The following MAP2K5 variants were observed in gnomAD, a reference collection of about 807,000 sequenced individuals.
MAP2K5 encodes the protein mitogen-activated protein kinase kinase 5, also known as dual specificity mitogen-activated protein kinase kinase 5.
A neutral mutation model predicts 83.1 loss-of-function variants in MAP2K5; 49 were observed. The observed-to-expected ratio is 0.59, with a 90% confidence interval of 0.47 to 0.75. MAP2K5 has a LOEUF of 0.75. Ranked by LOEUF, MAP2K5 falls within the 30% of genes least tolerant of loss-of-function variation. The probability of loss-of-function intolerance (pLI) is 0.00; values close to 1 mark genes in which losing one functional copy is unlikely to be tolerated. For missense variants in MAP2K5, 457 were observed against 557.5 expected (o/e 0.82, Z 1.82); for synonymous variants, 202 against 191.8 (o/e 1.05, Z -0.44).
At chr15:67,658,740 AT>A in intron 12 of MAP2K5, 126 bp downstream of exon 12, 1 of 786,316 alleles carries the variant, frequency 1.3e-6, no homozygotes, top group Non-Finnish European at 2.2e-6. Flanking sequence ...GACCTTCTTG[AT>A]TTTCTCCTGT....
chr15:67,804,045 G>C (rs539982154), intron 21 of MAP2K5, among the ~76,000 whole-genome samples: 1 of 152,256 alleles, frequency 6.6e-6, no homozygotes, highest in South Asian at 2.1e-4. Context: ...CAGCCTGTGA[G>C]GTGCCTCACA....
Position 67,774,857 on chromosome 15 carries a change from T to G in MAP2K5, c.1242+2105T>G, listed in dbSNP as rs1239071401. ...CATGGGCTGCATGGGCCGCTTCAAA[T>G]GTGAGGCCTGCAGGATTGTCAAGGT... On this transcript the variant is annotated intron_variant, in intron 21 of 21. Coordinates refer to ENST00000178640, the MANE Select transcript of MAP2K5 (RefSeq NM_145160.3). This position sits in a 1 kb window ranked among gnomAD's most constrained non-coding sequence, Gnocchi z 4.9. Among the ~76,000 whole-genome samples, 1 of 152,230 alleles carries G rather than the reference T, an allele frequency of 6.6e-6. No individual in the cohort carries two copies. Among genetic ancestry groups the G allele is most frequent in the African/African-American group, 2.4e-5 (1 of 41,456 alleles).
intron 8 of MAP2K5, among the ~76,000 whole-genome samples, chr15:67,608,095 G>A (rs544548154): frequency 2.0e-5 from 3 of 152,260 alleles, no homozygotes; most frequent in Admixed American, 1.3e-4. Flanking sequence ...AGCAAAAGTG[G>A]TTGTGATCAG....
intron 19 of MAP2K5, among the ~76,000 whole-genome samples, chr15:67,766,691 C>T (rs938072872): frequency 6.6e-5 from 10 of 152,174 alleles, no homozygotes; most frequent in Admixed American, 3.3e-4. Flanking sequence ...CTGATCAAAA[C>T]TAACTTTGTA....
chr15:67,575,533 C>G (rs1431319225), intron 3 of MAP2K5, among the ~76,000 whole-genome samples: 2 of 152,178 alleles, frequency 1.3e-5, no homozygotes, highest in Admixed American at 6.5e-5. Flanking sequence ...CAGCTCTCCA[C>G]CAGCTCAGCA....
rs2141276118 is a variant in MAP2K5, at chr15:67,750,377, A to G, written c.1134+1776A>G. On this transcript the variant is annotated intron_variant, in intron 19 of 21. Coordinates refer to ENST00000178640, the MANE Select transcript of MAP2K5 (RefSeq NM_145160.3). This position sits in a 1 kb window ranked among gnomAD's most constrained non-coding sequence, Gnocchi z 4.2. Reference sequence around the variant, plus strand: ...GCTGATATTCTGCAATAAAAGTATTAGGAAAGGATTGGCCAGATGACCTGC... The same window carrying G: ...GCTGATATTCTGCAATAAAAGTATTGGGAAAGGATTGGCCAGATGACCTGC... Among the ~76,000 whole-genome samples the G allele has an allele frequency of 6.6e-6, 1 of 152,348 alleles. No homozygotes were observed.
Position 67,636,849 on chromosome 15 carries a change from C to T in MAP2K5, c.585+5922C>T, listed in dbSNP as rs370816702. Among the ~76,000 whole-genome samples, 4 of 152,072 alleles carry T rather than the reference C, an allele frequency of 2.6e-5. No homozygotes were observed. Among genetic ancestry groups the T allele is most frequent in the African/African-American group, 9.7e-5 (4 of 41,394 alleles). On this transcript the variant is annotated intron_variant, in intron 9 of 21. Coordinates refer to ENST00000178640, the MANE Select transcript of MAP2K5 (RefSeq NM_145160.3). The surrounding 1 kb of genome is among the most constrained non-coding windows in gnomAD (Gnocchi z 4.7). ...AGATTAACATTTGAGTTAATGTTAA[C>T]GTAAGAGATTAACATTTGAGTCAGT...
intron 13 of MAP2K5, among the ~76,000 whole-genome samples, chr15:67,689,290 C>G (rs745792832): frequency 1.2e-4 from 19 of 152,176 alleles, no homozygotes; most frequent in Non-Finnish European, 8.8e-5. Flanking sequence ...ATGTTACATA[C>G]ATAAATCATA....
In MAP2K5 at chr15:67,565,198, C is replaced by A. The variant is rs1232337934; in HGVS notation, c.252+1848C>A. 3.3e-5 allele frequency among the ~76,000 whole-genome samples: 5 copies of A among 152,084 alleles called. No individual in the cohort carries two copies. The highest frequency in any genetic ancestry group is 4.4e-5 in the Non-Finnish European group (3 of 68,000). On this transcript the variant is annotated intron_variant, in intron 3 of 21. Coordinates refer to ENST00000178640, the MANE Select transcript of MAP2K5 (RefSeq NM_145160.3). This position sits in a 1 kb window ranked among gnomAD's most constrained non-coding sequence, Gnocchi z 4.1. The stretch of plus-strand genomic sequence containing the variant: ...TACACTGTCTCTCCCCCACCTTCCT[C>A]TTTGCAGGATTTTTTTTATGTCATC...
intron 7 of MAP2K5, among the ~76,000 whole-genome samples, chr15:67,599,231 C>G (rs2085597666): frequency 6.6e-6 from 1 of 152,008 alleles, no homozygotes; most frequent in Admixed American, 6.6e-5. Flanking sequence ...AACAGAATTC[C>G]CCTCAAATAG....
intron 11 of MAP2K5, among the ~76,000 whole-genome samples, chr15:67,648,091 A>C (rs2086868710): frequency 6.6e-6 from 1 of 152,170 alleles, no homozygotes; most frequent in Non-Finnish European, 1.5e-5. Context: ...AGATACCATA[A>C]AATTCACCCT....
At chr15:67,546,089 G>A (rs1411701192) in intron 1 of MAP2K5, 1 of 152,318 alleles carries the variant, frequency 6.6e-6, no homozygotes, top group African/African-American at 2.4e-5. Flanking sequence ...AGGACCTGTG[G>A]CAGTGGGTGT....
At chr15:67,613,965 A>G (rs975524605) in intron 8 of MAP2K5, among the ~76,000 whole-genome samples, 9 of 152,188 alleles carry the variant, frequency 5.9e-5, no homozygotes, top group Non-Finnish European at 1.0e-4. Context: ...AGTTAATGCA[A>G]CTCTGAAAAG....
chr15:67,682,424 C>G (rs1006231513), intron 13 of MAP2K5, among the ~76,000 whole-genome samples: 1 of 151,878 alleles, frequency 6.6e-6, no homozygotes. Context: ...AGGGTTTTGC[C>G]ACGTTGGCCA....
rs1657810302 is a variant in MAP2K5, at chr15:67,749,115, T to A, written c.1134+514T>A. On this transcript the variant is annotated intron_variant, in intron 19 of 21. Transcript: ENST00000178640. The surrounding 1 kb of genome is among the most constrained non-coding windows in gnomAD (Gnocchi z 4.6). ...AGGCATTTTTCTCAGAATATGTCCC[T>A]AACATCTTGTGTATTCTAGTAGCTG... Among the ~76,000 whole-genome samples, 1 of 152,212 alleles carries A rather than the reference T, an allele frequency of 6.6e-6. No individual in the cohort carries two copies. The highest frequency in any genetic ancestry group is 2.1e-4 in the South Asian group (1 of 4,836).
chr15:67,747,266 GATT>G lies in MAP2K5; in HGVS notation c.1075-960_1075-958del, dbSNP rs2089625096. ...AAAACACCTTTAAAAACATATAAGG[GATT>G]ATTACTAGTTTCCCTGTATTTTACC... is the stretch of plus-strand genomic sequence containing the variant. On this transcript the variant is annotated intron_variant, in intron 17 of 21. Transcript: ENST00000178640. This position sits in a 1 kb window ranked among gnomAD's most constrained non-coding sequence, Gnocchi z 4.1. Among the ~76,000 whole-genome samples, 3 of 152,162 alleles carry G rather than the reference GATT, an allele frequency of 2.0e-5. No homozygotes were observed. The highest frequency in any genetic ancestry group is 2.0e-4 in the Admixed American group (3 of 15,282).
chr15:67,600,965 G>A lies in MAP2K5; in HGVS notation c.545+216G>A, dbSNP rs1185022497. On this transcript the variant is annotated intron_variant, in intron 8 of 21. Transcript: ENST00000178640. ...ATTTCCGAGTCTGCAACTCTCCTGG[G>A]TGTGTAGTTAATAGTCCACCATTAG... Among the ~76,000 whole-genome samples the A allele has an allele frequency of 2.0e-5, 3 of 152,212 alleles. No individual in the cohort carries two copies. The East Asian group carries it at 5.8e-4, about 29-fold the overall frequency.
At chr15:67,624,371 G>C (rs1304394989) in intron 8 of MAP2K5, among the ~76,000 whole-genome samples, 2 of 146,964 alleles carry the variant, frequency 1.4e-5, no homozygotes, top group African/African-American at 5.0e-5. Flanking sequence ...AAGTGGCACA[G>C]CTGGGATTTG....
intron 16 of MAP2K5, among the ~76,000 whole-genome samples, chr15:67,721,064 TTAAG>T (rs544025295): frequency 1.5e-3 from 228 of 152,330 alleles, no homozygotes; most frequent in African/African-American, 5.3e-3. Flanking sequence ...CTCTTCCTGT[TTAAG>T]TGTCTACTGT....
Sources: gnomAD v4.1 joint callset for allele counts (sites outside exome capture counted in the v4.1 genomes callset) on GRCh38, gnomAD v4.1.1 for gene constraint, Gnocchi (gnomAD v3.1) non-coding constraint, MANE v1.5 for transcripts, NCBI Gene and HGNC (gene_info 2026-07-23, HGNC 2026-07-21) for gene names.